The following FAM81B variants were observed in gnomAD, a reference collection of about 807,000 sequenced individuals.
FAM81B encodes protein FAM81B.
A neutral mutation model predicts 58.7 loss-of-function variants in FAM81B; 60 were observed. The observed-to-expected ratio is 1.02, with a 90% CI of 0.83 to 1.27. The LOEUF (loss-of-function observed/expected upper bound fraction) is 1.27, where lower values mean the gene tolerates loss of function less well. Among genes scored for constraint, FAM81B ranks in the 50% most tolerant of loss-of-function variants. FAM81B has a pLI of 0.00. For synonymous variants in FAM81B, 189 were observed against 179.6 expected, an observed-to-expected ratio of 1.05 and a Z score of -0.42; for missense variants, 491 against 522.0, an observed-to-expected ratio of 0.94 and a Z score of 0.58.
rs1479368063 is a variant in FAM81B at position 95,398,690 on chromosome 5, C to T, written c.293+2515C>T. Among the ~76,000 whole-genome samples the T allele has an allele frequency of 6.6e-5, 10 of 152,062 alleles. No homozygotes were observed. In the South Asian group the frequency reaches 1.0e-3, roughly 16 times the overall value. On this transcript the variant is annotated intron_variant, in intron 3 of 9. Coordinates refer to ENST00000283357, the MANE Select transcript of FAM81B (RefSeq NM_152548.3). Reference sequence around the variant, plus strand: ...TCCCTCAGGGAGCTATCTAATAATGCGTTTGGAGCCATTCTAGCAGGAAGG... The same window carrying T: ...TCCCTCAGGGAGCTATCTAATAATGTGTTTGGAGCCATTCTAGCAGGAAGG...
At chr5:95,414,396 A>G (rs1762484620) in intron 4 of FAM81B, among the ~76,000 whole-genome samples, 1 of 152,224 alleles carries the variant, frequency 6.6e-6, no homozygotes, top group South Asian at 2.1e-4. Flanking sequence ...AGGAACTTCT[A>G]TTCAAAAAAT....
At chr5:95,433,710 G>A (rs1215753235) in intron 6 of FAM81B, among the ~76,000 whole-genome samples, 1 of 152,262 alleles carries the variant, frequency 6.6e-6, no homozygotes, top group Non-Finnish European at 1.5e-5. Flanking sequence ...AGGGCACAAA[G>A]TTCAATCAGT....
chr5:95,432,352 T>C (rs1042647441), intron 6 of FAM81B, among the ~76,000 whole-genome samples: 2 of 152,082 alleles, frequency 1.3e-5, no homozygotes, highest in Admixed American at 1.3e-4. Context: ...TTCTCTGCCA[T>C]CGTTTTCAGA....
intron 3 of FAM81B, among the ~76,000 whole-genome samples, chr5:95,407,892 C>A (rs957014790): frequency 1.3e-5 from 2 of 152,162 alleles, no homozygotes; most frequent in African/African-American, 4.8e-5. Flanking sequence ...CAAAACTCAG[C>A]GGCATAAAAC....
At chr5:95,396,721 A>G (rs1198554526) in intron 3 of FAM81B, 1 of 152,272 alleles carries the variant, frequency 6.6e-6, no homozygotes, top group Admixed American at 6.5e-5. Flanking sequence ...CAAGGATGCC[A>G]GTGATGAAGG....
intron 3 of FAM81B, among the ~76,000 whole-genome samples, chr5:95,409,474 A>G (rs558162687): frequency 6.6e-6 from 1 of 152,106 alleles, no homozygotes; most frequent in East Asian, 1.9e-4. Context: ...TCAGTTTTTA[A>G]AGAATTTTTC....
At chr5:95,436,947 C>A in intron 7 of FAM81B, 41 bp downstream of exon 7, 1 of 1,504,026 alleles carries the variant, frequency 6.6e-7, no homozygotes, top group Non-Finnish European at 9.2e-7. Context: ...AAGTGCATTC[C>A]AAAGAGTTTT....
At chr5:95,407,412 A>ACACACG (rs1762282239) in intron 3 of FAM81B, among the ~76,000 whole-genome samples, 1 of 145,144 alleles carries the variant, frequency 6.9e-6, no homozygotes, top group Non-Finnish European at 1.5e-5. Flanking sequence ...ACACACACGC[A>ACACACG]CACACACACG....
intron 7 of FAM81B, among the ~76,000 whole-genome samples, chr5:95,438,427 G>A (rs1250561889): frequency 6.6e-6 from 1 of 152,126 alleles, no homozygotes; most frequent in Non-Finnish European, 1.5e-5. Context: ...AAGGGATGAG[G>A]TATATTAACA....
intron 4 of FAM81B, among the ~76,000 whole-genome samples, chr5:95,418,417 G>C (rs1237237026): frequency 6.6e-6 from 1 of 152,138 alleles, no homozygotes; most frequent in African/African-American, 2.4e-5. Context: ...TGTATGCTGA[G>C]TTTGCTAAAA....
In FAM81B at chr5:95,450,397, G is replaced by C; in HGVS notation, c.*115G>C. The C allele has an allele frequency of 6.7e-7, 1 of 1,500,806 alleles. No homozygotes were observed. Among genetic ancestry groups the C allele is most frequent in the Non-Finnish European group, 8.9e-7 (1 of 1,123,442 alleles). The allele number at this position is 1,500,806 out of a possible 1,614,324, so 93.0% of individuals were successfully genotyped here. A position where few individuals can be genotyped will look rare whatever the true frequency, so the allele number is the denominator to read the frequency against. ...TACTGCTTCTAATGTCTCCTTTTAA[G>C]GAGACGAATGTACCAGAAAAATAAT... On this transcript the variant is annotated 3_prime_UTR_variant, in exon 10 of 10. Transcript: ENST00000283357.
intron 7 of FAM81B, among the ~76,000 whole-genome samples, chr5:95,437,697 T>G (rs1745161533): frequency 1.3e-5 from 2 of 152,132 alleles, no homozygotes; most frequent in South Asian, 4.1e-4. Context: ...TTTCCTCCAC[T>G]CAATGGAGAA....
chr5:95,414,186 T>C lies in FAM81B; in HGVS notation c.533T>C (p.Ile178Thr), dbSNP rs368379752. 1.9e-6 allele frequency: 3 copies of C among 1,605,100 alleles called. No individual in the cohort carries two copies. The highest frequency in any genetic ancestry group is 2.5e-6 in the Non-Finnish European group (3 of 1,176,618). Residue 178 changes from isoleucine to threonine, a missense_variant, in exon 4 of 10, where the codon ATT becomes ACT. Physicochemically the swap from Ile to Thr is moderately conservative, Grantham distance 89. Transcript: ENST00000283357. ...ATCGTCAAAAAACTCAGCCAAAATA[T>C]TGAGGTAGTTCTCTTTTTGTTTTAT... ...TSIVKKLSQNIEILEDQIRAR... is the reference protein window; with the variant it reads ...TSIVKKLSQNTEILEDQIRAR...
chr5:95,407,408 A>ACACACG lies in FAM81B; in HGVS notation c.294-6538_294-6537insACACGC, dbSNP rs763715095. 6.9e-3 allele frequency among the ~76,000 whole-genome samples: 1,020 copies of ACACACG among 147,370 alleles called. 19 individuals are homozygous for ACACACG. Among genetic ancestry groups the ACACACG allele is most frequent in the African/African-American group, 0.024 (971 of 39,798 alleles). On this transcript the variant is annotated intron_variant, in intron 3 of 9. Transcript: ENST00000283357. ...TTCTCTTTTACACACACACACACAC[A>ACACACG]CGCACACACACACGCGTGCGCGCAC...
chr5:95,442,585 A>G (rs1745405347), intron 7 of FAM81B, among the ~76,000 whole-genome samples: 1 of 152,106 alleles, frequency 6.6e-6, no homozygotes, highest in Non-Finnish European at 1.5e-5. Flanking sequence ...TAATTCTACC[A>G]CAGAAATTTT....
chr5:95,441,708 T>G (rs1160049679), intron 7 of FAM81B, among the ~76,000 whole-genome samples: 1 of 152,190 alleles, frequency 6.6e-6, no homozygotes, highest in Non-Finnish European at 1.5e-5. Flanking sequence ...AAAGCTACAG[T>G]GTTTTCTGAC....
chr5:95,398,819 G>A (rs1488107453), intron 3 of FAM81B, among the ~76,000 whole-genome samples: 1 of 152,158 alleles, frequency 6.6e-6, no homozygotes, highest in Non-Finnish European at 1.5e-5. Flanking sequence ...GGACATCTAG[G>A]GGAAGAGCAA....
chr5:95,412,392 A>G (rs1762429254), intron 3 of FAM81B, among the ~76,000 whole-genome samples: 1 of 152,180 alleles, frequency 6.6e-6, no homozygotes, highest in Non-Finnish European at 1.5e-5. Flanking sequence ...GTGTCTTCTT[A>G]TCTTACTATG....
intron 7 of FAM81B, among the ~76,000 whole-genome samples, chr5:95,446,141 T>C (rs1745547761): frequency 6.6e-6 from 1 of 152,206 alleles, no homozygotes; most frequent in Non-Finnish European, 1.5e-5. Context: ...CTAAAATATT[T>C]ACTATCTGGC....
Sources: gnomAD v4.1 joint callset for allele counts (sites outside exome capture counted in the v4.1 genomes callset) on GRCh38, gnomAD v4.1.1 for gene constraint, MANE v1.5 for transcripts, NCBI Gene and HGNC (gene_info 2026-07-23, HGNC 2026-07-21) for gene names.